Variants in EFCAB7 observed in about 807,000 individuals in gnomAD.
EFCAB7 encodes the protein EF-hand calcium-binding domain-containing protein 7.
EFCAB7 carries 66 observed loss-of-function variants against 77.1 expected under a neutral mutation model. That is an observed-to-expected ratio of 0.86 (90% CI 0.70 to 1.05). EFCAB7 has a LOEUF of 1.05. Ranked by LOEUF, EFCAB7 falls within the 50% of genes least tolerant of loss-of-function variation. The probability of loss-of-function intolerance (pLI) is 0.00; values close to 1 mark genes in which losing one functional copy is unlikely to be tolerated. For synonymous variants in EFCAB7, 225 were observed against 243.3 expected (o/e 0.92, Z 0.70); for missense variants, 638 against 730.5 (o/e 0.87, Z 1.46).
downstream of EFCAB7, among the ~76,000 whole-genome samples, chr1:63,574,769 A>G (rs995008531): frequency 2.6e-5 from 4 of 152,188 alleles, no homozygotes; most frequent in African/African-American, 7.2e-5. Flanking sequence ...TGCCCATATA[A>G]CAGCATGGTG....
chr1:63,555,430 A>T lies in EFCAB7; in HGVS notation c.1129A>T (p.Arg377Trp). 1 of 1,614,064 alleles carries T rather than the reference A, an allele frequency of 6.2e-7. No homozygotes were observed. The change falls in exon 9 of 14, where the codon AGG becomes TGG. Residue 377 changes from arginine (R) to tryptophan (W), a missense_variant. Transcript: ENST00000371088. ...TCCTTCCACAACTGGCTGTAGGCTG[A>T]GGAAAAAAATAAAACCAGTAACAGA... is the stretch of plus-strand genomic sequence containing the variant. Reference protein sequence around the residue: ...LIPSTTGCRLRKKIKPVTDEA... With the variant: ...LIPSTTGCRLWKKIKPVTDEA...
chr1:63,539,636 C>T (rs1042112386), intron 6 of EFCAB7, among the ~76,000 whole-genome samples: 5 of 152,108 alleles, frequency 3.3e-5, no homozygotes, highest in African/African-American at 1.2e-4. Flanking sequence ...CTTTATTTTT[C>T]AGACTTTTTT....
In EFCAB7 at chr1:63,571,201, T is replaced by C. The variant is rs113276234; in HGVS notation, c.1815+73T>C. The C allele has an allele frequency of 7.4e-4, 688 of 924,492 alleles. 2 individuals carry two copies. The African/African-American group carries it at 0.01, about 14-fold the overall frequency. The allele number at this position is 924,492 out of a possible 1,614,324, so 57.3% of individuals were successfully genotyped here. A position where few individuals can be genotyped will look rare whatever the true frequency, so the allele number is the denominator to read the frequency against. ...AAAAATTTGCTATTAATGCTATGAG[T>C]AAAATGTAAATATAAAATGGAGTGG... is the stretch of plus-strand genomic sequence containing the variant. On this transcript the variant is annotated intron_variant, in intron 13 of 13. Transcript: ENST00000371088.
chr1:63,576,208 C>T (rs1167172794), downstream of EFCAB7, among the ~76,000 whole-genome samples: 1 of 152,182 alleles, frequency 6.6e-6, no homozygotes, highest in Non-Finnish European at 1.5e-5. Context: ...AGGCCTGACA[C>T]GGTGGCTCAC....
the EFCAB7 span, among the ~76,000 whole-genome samples, chr1:63,583,582 AG>A: frequency 2.0e-5 from 3 of 152,122 alleles, no homozygotes; most frequent in Admixed American, 6.6e-5. Context: ...TATAGATTGG[AG>A]GTCATGAGGG....
Position 63,525,677 on chromosome 1 carries a change from T to A in EFCAB7, c.105T>A (p.Phe35Leu). Reference protein sequence around the residue: ...KKFPLTEEEIFYMNCRAAYLT... With the variant: ...KKFPLTEEEILYMNCRAAYLT... The stretch of plus-strand genomic sequence containing the variant: ...TTCCACTAACTGAAGAGGAAATATT[T>A]TATATGAATTGTAGAGCTGCCTACT... The change falls in exon 2 of 14, where the codon TTT (phenylalanine) becomes TTA (leucine). Residue 35 changes from phenylalanine to leucine, a missense_variant. Transcript: ENST00000371088. 6.2e-7 allele frequency: 1 copy of A among 1,602,274 alleles called. No individual in the cohort carries two copies.
intron 7 of EFCAB7, chr1:63,547,403 A>G (rs1213594129): frequency 6.6e-6 from 1 of 152,226 alleles, no homozygotes; most frequent in Non-Finnish European, 1.5e-5. Context: ...TAAATAGTAA[A>G]TGACATGGTA....
chr1:63,572,567 G>A lies in EFCAB7; in HGVS notation c.*51G>A. Reference sequence around the variant, plus strand: ...CTAAGAATTATTTCAGATTTAGTCTGTTATTTATTAAACAACTAAATGCTA... The same window carrying A: ...CTAAGAATTATTTCAGATTTAGTCTATTATTTATTAAACAACTAAATGCTA... On this transcript the variant is annotated 3_prime_UTR_variant, in exon 14 of 14. Coordinates refer to ENST00000371088, the MANE Select transcript of EFCAB7 (RefSeq NM_032437.4). The A allele has an allele frequency of 7.6e-7, 1 of 1,311,998 alleles. No homozygotes were observed. The highest frequency in any genetic ancestry group is 1.0e-6 in the Non-Finnish European group (1 of 981,776). 81.3% of individuals were successfully genotyped at this position (1,311,998 alleles called of 1,614,324 possible). A position where few individuals can be genotyped will look rare whatever the true frequency, so the allele number is the denominator to read the frequency against.
At chr1:63,535,875 G>A (rs1006786965) in intron 6 of EFCAB7, among the ~76,000 whole-genome samples, 1 of 152,074 alleles carries the variant, frequency 6.6e-6, no homozygotes, top group Non-Finnish European at 1.5e-5. Flanking sequence ...ATCTACTGTT[G>A]TGTTATATAT....
At chr1:63,535,902 C>T (rs1391896239) in intron 6 of EFCAB7, among the ~76,000 whole-genome samples, 1 of 152,030 alleles carries the variant, frequency 6.6e-6, no homozygotes, top group Admixed American at 6.6e-5. Context: ...CTCAGAGACA[C>T]CATCTAAGAG....
chr1:63,533,204 A>G (rs1211356769), intron 4 of EFCAB7, among the ~76,000 whole-genome samples: 2 of 152,190 alleles, frequency 1.3e-5, no homozygotes, highest in African/African-American at 2.4e-5. Flanking sequence ...AAAAATAATA[A>G]TAAATCACCT....
intron 11 of EFCAB7, among the ~76,000 whole-genome samples, chr1:63,564,899 A>G (rs1466116224): frequency 6.6e-6 from 1 of 152,222 alleles, no homozygotes; most frequent in African/African-American, 2.4e-5. Flanking sequence ...GCACTCAGAA[A>G]TAAGACTGCA....
At chr1:63,534,567 GACA>G (rs1235513624) in intron 6 of EFCAB7, among the ~76,000 whole-genome samples, 1 of 152,074 alleles carries the variant, frequency 6.6e-6, no homozygotes, top group Non-Finnish European at 1.5e-5. Context: ...GTGAGAGAAT[GACA>G]ACAAAGTCAC....
At chr1:63,562,467 AT>A (rs1194234245) in intron 11 of EFCAB7, among the ~76,000 whole-genome samples, 2,563 of 83,080 alleles carry the variant, frequency 0.031, 209 homozygotes, top group African/African-American at 0.12. Flanking sequence ...ATATATATAT[AT>A]ATATATATAT....
intron 10 of EFCAB7, among the ~76,000 whole-genome samples, chr1:63,560,362 A>G (rs562532828): frequency 6.6e-6 from 1 of 152,114 alleles, no homozygotes; most frequent in African/African-American, 2.4e-5. Context: ...TTCTTAATGT[A>G]TTTGTATTAT....
chr1:63,570,588 T>C (rs1228067337), intron 12 of EFCAB7: 1 of 152,824 alleles, frequency 6.5e-6, no homozygotes, highest in East Asian at 1.9e-4. Flanking sequence ...ACAAAGTTGA[T>C]AATAAATATA....
chr1:63,560,676 G>A (rs1428847699), intron 10 of EFCAB7, among the ~76,000 whole-genome samples: 2 of 151,678 alleles, frequency 1.3e-5, no homozygotes, highest in South Asian at 2.1e-4. Flanking sequence ...CCAGCATGCC[G>A]GGCTAATTTT....
intron 6 of EFCAB7, among the ~76,000 whole-genome samples, chr1:63,545,281 T>G (rs183971587): frequency 2.0e-5 from 3 of 152,266 alleles, no homozygotes; most frequent in Admixed American, 2.0e-4. Context: ...ATTGAAATGC[T>G]ATCTATTCTT....
chr1:63,579,995 T>C, the EFCAB7 span, among the ~76,000 whole-genome samples: 2 of 152,338 alleles, frequency 1.3e-5, no homozygotes, highest in Non-Finnish European at 2.9e-5. Context: ...TATTTGAAAG[T>C]ATTTTCTTCT....
Sources: allele counts gnomAD v4.1 joint callset (sites outside exome capture counted in the v4.1 genomes callset), GRCh38; gene constraint gnomAD v4.1.1; transcripts MANE v1.5; gene names NCBI Gene and HGNC (gene_info 2026-07-23, HGNC 2026-07-21).